The following LSM11 variants were observed in gnomAD, a reference collection of about 807,000 sequenced individuals.
The protein encoded by LSM11 is LSM11, U7 small nuclear RNA associated.
A neutral mutation model predicts 28.1 loss-of-function variants in LSM11; 14 were observed. That is an observed-to-expected ratio of 0.50 (90% CI 0.33 to 0.78). LSM11 has a LOEUF of 0.78. Ranked by LOEUF, LSM11 falls within the 30% of genes least tolerant of loss-of-function variation. The probability of loss-of-function intolerance (pLI) is 0.02; values close to 1 mark genes in which losing one functional copy is unlikely to be tolerated. For missense variants in LSM11, 495 were observed against 510.6 expected, an observed-to-expected ratio of 0.97 and a Z score of 0.30; for synonymous variants, 207 against 214.2, an observed-to-expected ratio of 0.97 and a Z score of 0.30.
chr5:157,750,833 G>A (rs1761220020), intron 1 of LSM11, among the ~76,000 whole-genome samples: 1 of 152,158 alleles, frequency 6.6e-6, no homozygotes, highest in African/African-American at 2.4e-5. Context: ...CCAGGCTGGA[G>A]TGCAATGGTG....
intron 1 of LSM11, among the ~76,000 whole-genome samples, chr5:157,746,610 T>C (rs1481919939): frequency 2.0e-5 from 3 of 152,200 alleles, no homozygotes; most frequent in Non-Finnish European, 1.5e-5. Context: ...TTCCTTGCAG[T>C]AATAAAATTT....
At chr5:157,744,894 G>A (rs1454566450) in intron 1 of LSM11, among the ~76,000 whole-genome samples, 1 of 152,206 alleles carries the variant, frequency 6.6e-6, no homozygotes, top group African/African-American at 2.4e-5. Flanking sequence ...GTGCTGAAAT[G>A]CAGCAGGCAC....
At chr5:157,751,311 G>A (rs930900191) in intron 1 of LSM11, 79 bp from the exon 2 acceptor site, 68 of 1,468,790 alleles carry the variant, frequency 4.6e-5, no homozygotes, top group Non-Finnish European at 6.1e-5. Context: ...GTTGCTGGCC[G>A]AAGTTGGGTG....
chr5:157,744,299 C>A (rs1028839490), intron 1 of LSM11, 101 bp downstream of exon 1: 5 of 917,532 alleles, frequency 5.4e-6, no homozygotes. Flanking sequence ...CGGGTCTGCA[C>A]GTATTGCGGG....
At chr5:157,754,635 T>C (rs10066198) in intron 3 of LSM11, among the ~76,000 whole-genome samples, 51,816 of 143,498 alleles carry the variant, frequency 0.36, 9,205 homozygotes, top group East Asian at 0.56. Context: ...GAGGTCGCAG[T>C]GAGCTGAGAT....
intron 1 of LSM11, among the ~76,000 whole-genome samples, chr5:157,749,155 G>A (rs1311987445): frequency 1.3e-5 from 2 of 152,174 alleles, no homozygotes; most frequent in African/African-American, 2.4e-5. Context: ...CCAATTGAAA[G>A]ACCTGAATTT....
chr5:157,749,598 A>ACACC (rs1327754051), intron 1 of LSM11, among the ~76,000 whole-genome samples: 1 of 140,876 alleles, frequency 7.1e-6, no homozygotes, highest in Non-Finnish European at 1.6e-5. Flanking sequence ...GCACACACAC[A>ACACC]CACACACACC....
Position 157,757,947 on chromosome 5 carries a change from T to C in LSM11, c.*2683T>C, listed in dbSNP as rs1164602921. The C allele has an allele frequency of 1.3e-5, 2 of 152,260 alleles. No individual in the cohort carries two copies. The highest frequency in any genetic ancestry group is 3.8e-4 in the East Asian group (2 of 5,206). The allele number at this position is 152,260 out of a possible 1,614,324, so 9.4% of individuals were successfully genotyped here. A position where few individuals can be genotyped will look rare whatever the true frequency, so the allele number is the denominator to read the frequency against. ...ATGACAATTCTGGCTATGAAAATTATGTTTAAACTGTGTATGATCTATTTT... is the reference window on the plus strand; with the variant it reads ...ATGACAATTCTGGCTATGAAAATTACGTTTAAACTGTGTATGATCTATTTT... On this transcript the variant is annotated 3_prime_UTR_variant, in exon 4 of 4. Transcript: ENST00000286307.
chr5:157,755,085 A>C lies in LSM11; in HGVS notation c.904A>C (p.Thr302Pro). Reference sequence around the variant, plus strand: ...CAGGTCAGAGCTGTCAGGGAGGACTACACGGACAGACGGCTCCAGTGTGGG... The same window carrying C: ...CAGGTCAGAGCTGTCAGGGAGGACTCCACGGACAGACGGCTCCAGTGTGGG... ...ESRSELSGRT[T>P]RTDGSSVGGT... The change falls in exon 4 of 4, where the codon ACA becomes CCA. Residue 302 changes from threonine (T) to proline (P), a missense_variant. Coordinates refer to ENST00000286307, the MANE Select transcript of LSM11 (RefSeq NM_173491.4). The C allele has an allele frequency of 1.9e-6, 3 of 1,614,182 alleles. No individual in the cohort carries two copies. Among genetic ancestry groups the C allele is most frequent in the Non-Finnish European group, 2.5e-6 (3 of 1,180,028 alleles).
intron 1 of LSM11, among the ~76,000 whole-genome samples, chr5:157,744,794 C>T (rs866326422): frequency 6.6e-6 from 1 of 152,148 alleles, no homozygotes; most frequent in Non-Finnish European, 1.5e-5. Flanking sequence ...AATCCCATAA[C>T]CCCTGTACAT....
intron 1 of LSM11, among the ~76,000 whole-genome samples, chr5:157,748,235 C>T (rs1402397579): frequency 6.6e-6 from 1 of 152,120 alleles, no homozygotes; most frequent in African/African-American, 2.4e-5. Context: ...TCTCTGGGCC[C>T]TTAATAGGTT....
Position 157,751,291 on chromosome 5 carries a change from T to C in LSM11, c.449-99T>C, listed in dbSNP as rs1163002828. Reference sequence around the variant, plus strand: ...CAATAGTGAGATTGTCACTCTACCATGGGCCACATGTTGCTGGCCGAAGTT... The same window carrying C: ...CAATAGTGAGATTGTCACTCTACCACGGGCCACATGTTGCTGGCCGAAGTT... On this transcript the variant is annotated intron_variant, in intron 1 of 3. Coordinates refer to ENST00000286307, the MANE Select transcript of LSM11 (RefSeq NM_173491.4). The C allele has an allele frequency of 5.2e-6, 7 of 1,342,902 alleles. No homozygotes were observed. The African/African-American group carries it at 8.8e-5, about 17-fold the overall frequency. 83.2% of individuals were successfully genotyped at this position (1,342,902 alleles called of 1,614,324 possible).
rs1761334147 is a variant in LSM11 at position 157,756,748 on chromosome 5, AT to A, written c.*1485del. On this transcript the variant is annotated 3_prime_UTR_variant, in exon 4 of 4. Coordinates refer to ENST00000286307, the MANE Select transcript of LSM11 (RefSeq NM_173491.4). ...TCACAGGGGCATTGAGAAAAAAAAA[AT>A]GAAGGCATTTTACAGTCTCTAAACA... 3 of 152,580 alleles carry A rather than the reference AT, an allele frequency of 2.0e-5. No homozygotes were observed. Among genetic ancestry groups the A allele is most frequent in the Non-Finnish European group, 4.4e-5 (3 of 68,034 alleles). The allele number at this position is 152,580 out of a possible 1,614,324, so 9.5% of individuals were successfully genotyped here.
At chr5:157,752,373 G>T (rs577432403) in intron 2 of LSM11, among the ~76,000 whole-genome samples, 2 of 150,880 alleles carry the variant, frequency 1.3e-5, no homozygotes, top group Non-Finnish European at 1.5e-5. Context: ...CAGGTAATCC[G>T]CCTGCCTCAG....
Position 157,752,718 on chromosome 5 carries a change from A to G in LSM11, c.588+1189A>G, listed in dbSNP as rs187229526. Among the ~76,000 whole-genome samples the G allele has an allele frequency of 1.3e-3, 199 of 151,616 alleles. 6 individuals carry two copies. In the East Asian group the frequency reaches 0.028, roughly 21 times the overall value. ...AAAATTAGCCAGACATGGTGGCACA[A>G]GCTTGTAATCCCAGCTACTCAGGAG... On this transcript the variant is annotated intron_variant, in intron 2 of 3. Coordinates refer to ENST00000286307, the MANE Select transcript of LSM11 (RefSeq NM_173491.4).
chr5:157,751,735 A>G (rs1321760495), intron 2 of LSM11, among the ~76,000 whole-genome samples: 1 of 152,182 alleles, frequency 6.6e-6, no homozygotes, highest in African/African-American at 2.4e-5. Context: ...TAACCAAGGT[A>G]ATTTTGTTCT....
rs1304907621 is a variant in LSM11, at chr5:157,759,868, A to G, written c.*4604A>G. 1 of 152,154 alleles carries G rather than the reference A, an allele frequency of 6.6e-6. No homozygotes were observed. Among genetic ancestry groups the G allele is most frequent in the East Asian group, 1.9e-4 (1 of 5,210 alleles). 9.4% of individuals were successfully genotyped at this position (152,154 alleles called of 1,614,324 possible). A position where few individuals can be genotyped will look rare whatever the true frequency, so the allele number is the denominator to read the frequency against. ...GTTCCTGTCAGTTTTCTGGGCCCTG[A>G]GGAAGGGTTGGGCCTCCTTTACTCT... is the stretch of plus-strand genomic sequence containing the variant. On this transcript the variant is annotated 3_prime_UTR_variant, in exon 4 of 4. Coordinates refer to ENST00000286307, the MANE Select transcript of LSM11 (RefSeq NM_173491.4).
Position 157,756,762 on chromosome 5 carries a change from C to T in LSM11, c.*1498C>T, listed in dbSNP as rs2279769. ...AGAAAAAAAAAATGAAGGCATTTTA[C>T]AGTCTCTAAACATCTTTAAGTGCCA... On this transcript the variant is annotated 3_prime_UTR_variant, in exon 4 of 4. Transcript: ENST00000286307. 53,746 of 152,402 alleles carry T rather than the reference C, an allele frequency of 0.35. 9,643 individuals carry two copies. Among genetic ancestry groups the T allele is most frequent in the East Asian group, 0.56 (2,869 of 5,152 alleles). 9.4% of individuals were successfully genotyped at this position (152,402 alleles called of 1,614,324 possible). A position where few individuals can be genotyped will look rare whatever the true frequency, so the allele number is the denominator to read the frequency against.
Position 157,757,922 on chromosome 5 carries a change from A to T in LSM11, c.*2658A>T, listed in dbSNP as rs1581454906. On this transcript the variant is annotated 3_prime_UTR_variant, in exon 4 of 4. Coordinates refer to ENST00000286307, the MANE Select transcript of LSM11 (RefSeq NM_173491.4). ...ATTGATTTACCATTTTTTGCCCAAC[A>T]TGACAATTCTGGCTATGAAAATTAT... 6.6e-6 allele frequency: 1 copy of T among 152,184 alleles called. No homozygotes were observed. The highest frequency in any genetic ancestry group is 2.1e-4 in the South Asian group (1 of 4,836). 9.4% of individuals were successfully genotyped at this position (152,184 alleles called of 1,614,324 possible).
Sources: gnomAD v4.1 joint callset for allele counts (sites outside exome capture counted in the v4.1 genomes callset) on GRCh38, gnomAD v4.1.1 for gene constraint, MANE v1.5 for transcripts, NCBI Gene and HGNC (gene_info 2026-07-23, HGNC 2026-07-21) for gene names.